ARHGAP21: variants seen among roughly 807,000 people sequenced by gnomAD.
The protein encoded by ARHGAP21 is rho GTPase-activating protein 21.
In ARHGAP21, 38 loss-of-function variants were observed where a neutral mutation model predicts 164.6. The ratio of observed to expected loss-of-function variants is 0.23; its 90% CI spans 0.18 to 0.30. The LOEUF (loss-of-function observed/expected upper bound fraction) is 0.30. Among genes scored for constraint, ARHGAP21 ranks in the 10% least tolerant of loss-of-function variants. ARHGAP21 has a pLI of 1.00. For missense variants in ARHGAP21, 1,822 were observed against 2,370.7 expected (o/e 0.77, Z 4.81); for synonymous variants, 766 against 857.9 (o/e 0.89, Z 1.87).
At chr10:24,600,424 C>T (rs2076767470) in intron 14 of ARHGAP21, among the ~76,000 whole-genome samples, 1 of 152,168 alleles carries the variant, frequency 6.6e-6, no homozygotes, top group Non-Finnish European at 1.5e-5. Context: ...AGGTATACAG[C>T]ATATATAAAT....
chr10:24,602,017 C>A lies in ARHGAP21; in HGVS notation c.2808G>T (p.Gly936=), dbSNP rs376819723. ...TGACAAGGGGTCGGAAATGAAGCCA[C>A]CCTTCCTTGGCAGCATCACTGAAGA... ...SEVFSDAAKE[G]WLHFRPLVTD... The change falls in exon 13 of 26, where the codon GGG becomes GGT. Residue 936 remains glycine (G), a synonymous_variant. Coordinates refer to ENST00000396432, the MANE Select transcript of ARHGAP21 (RefSeq NM_020824.4). 1.1e-5 allele frequency: 18 copies of A among 1,612,048 alleles called. No homozygotes were observed. Among genetic ancestry groups the A allele is most frequent in the Non-Finnish European group, 1.4e-5 (17 of 1,179,830 alleles).
intron 4 of ARHGAP21, among the ~76,000 whole-genome samples, chr10:24,666,056 G>A (rs757297016): frequency 2.0e-4 from 30 of 152,294 alleles, no homozygotes; most frequent in South Asian, 4.1e-4. Flanking sequence ...TTGAGACGGA[G>A]TCTCGCCCTG....
intron 9 of ARHGAP21, among the ~76,000 whole-genome samples, chr10:24,617,686 A>C (rs1288529218): frequency 8.4e-6 from 1 of 118,494 alleles, no homozygotes; most frequent in Non-Finnish European, 2.1e-5. Flanking sequence ...TGTTTTCTCA[A>C]GAAACATTTT....
Position 24,670,233 on chromosome 10 carries a change from A to C in ARHGAP21, c.228T>G (p.Ile76Met). Residue 76 changes from isoleucine to methionine, a missense_variant, in exon 3 of 26, where the codon ATT becomes ATG. Transcript: ENST00000396432. ...HFIVYPPESA[I>M]QFSYKDEENG... ...TTTCTCTTACCTTATATGAAAATTG[A>C]ATTGCAGACTCTGGGGGATAAACAA... 6.3e-7 allele frequency: 1 copy of C among 1,590,622 alleles called. No individual in the cohort carries two copies. The highest frequency in any genetic ancestry group is 8.6e-7 in the Non-Finnish European group (1 of 1,168,734).
At chr10:24,666,866 T>G in intron 4 of ARHGAP21, 119 bp downstream of exon 4, 1 of 661,032 alleles carries the variant, frequency 1.5e-6, no homozygotes, top group Non-Finnish European at 2.5e-6. Flanking sequence ...CTCTCACACC[T>G]AAGAACTATT....
At chr10:24,588,034 A>G (rs1328033279) in intron 25 of ARHGAP21, among the ~76,000 whole-genome samples, 1 of 152,238 alleles carries the variant, frequency 6.6e-6, no homozygotes, top group African/African-American at 2.4e-5. Flanking sequence ...TGCTGGCAAC[A>G]GAGTTAAGGA....
intron 2 of ARHGAP21, among the ~76,000 whole-genome samples, chr10:24,689,888 ATATGTATGTGTATATATACATG>A (rs1207660235): frequency 2.8e-5 from 4 of 143,206 alleles, no homozygotes; most frequent in African/African-American, 5.3e-5. Flanking sequence ...GTATATATGT[ATATGTATGTGTATATATACATG>A]TATATATGTA....
rs1846141289 is a variant in ARHGAP21, at chr10:24,723,574, G to T, written c.-393C>A. The T allele has an allele frequency of 6.8e-6, 1 of 147,050 alleles. No homozygotes were observed. The highest frequency in any genetic ancestry group is 1.9e-4 in the South Asian group (1 of 5,208). The allele number at this position is 147,050 out of a possible 1,614,324, so 9.1% of individuals were successfully genotyped here. ...ACCAGACACGCACCAGAGGAAGCGGGACGAGTGGATCCGCACGGGGCTGGC... is the reference window on the plus strand; with the variant it reads ...ACCAGACACGCACCAGAGGAAGCGGTACGAGTGGATCCGCACGGGGCTGGC... On this transcript the variant is annotated 5_prime_UTR_variant, in exon 1 of 26. Coordinates refer to ENST00000396432, the MANE Select transcript of ARHGAP21 (RefSeq NM_020824.4).
At chr10:24,611,919 A>G (rs1461529641) in intron 9 of ARHGAP21, among the ~76,000 whole-genome samples, 1 of 152,056 alleles carries the variant, frequency 6.6e-6, no homozygotes, top group Non-Finnish European at 1.5e-5. Flanking sequence ...TGTGGAGGGC[A>G]ATGCATTTCT....
rs2076243078 is a variant in ARHGAP21, at chr10:24,589,463, T to C, written c.4151-161A>G. 66 of 574,460 alleles carry C rather than the reference T, an allele frequency of 1.1e-4. No homozygotes were observed. In the East Asian group the frequency reaches 2.2e-3, roughly 19 times the overall value. The allele number at this position is 574,460 out of a possible 1,614,324, so 35.6% of individuals were successfully genotyped here. ...AGTCAGAGCTCACAAAGATGCAAGC[T>C]GCACCACAGAAAGCCACCGCCATGA... On this transcript the variant is annotated intron_variant, in intron 24 of 25. Transcript: ENST00000396432.
chr10:24,654,317 G>A (rs1838553469), intron 4 of ARHGAP21, among the ~76,000 whole-genome samples: 1 of 152,168 alleles, frequency 6.6e-6, no homozygotes, highest in African/African-American at 2.4e-5. Context: ...TATTCAATTA[G>A]GAAAAGAGGA....
intron 2 of ARHGAP21, among the ~76,000 whole-genome samples, chr10:24,693,033 G>A (rs1181653980): frequency 6.6e-6 from 1 of 151,966 alleles, no homozygotes; most frequent in Non-Finnish European, 1.5e-5. Flanking sequence ...GTTCAAATAG[G>A]CAAAACCACT....
intron 11 of ARHGAP21, among the ~76,000 whole-genome samples, chr10:24,606,117 AAAAAGT>A (rs1442136580): frequency 6.6e-6 from 1 of 151,160 alleles, no homozygotes; most frequent in Admixed American, 6.6e-5. Context: ...ACAAAAAAAT[AAAAAGT>A]AAACATAAAT....
At chr10:24,717,752 T>G (rs1256550927) in intron 2 of ARHGAP21, among the ~76,000 whole-genome samples, 1 of 152,150 alleles carries the variant, frequency 6.6e-6, no homozygotes, top group East Asian at 1.9e-4. Flanking sequence ...AAAATTGTCT[T>G]ATAGGAGGTA....
chr10:24,689,690 G>A (rs572031904), intron 2 of ARHGAP21, among the ~76,000 whole-genome samples: 4 of 152,174 alleles, frequency 2.6e-5, no homozygotes, highest in African/African-American at 9.6e-5. Context: ...GCAGTGAGCC[G>A]TGATCACGCC....
At chr10:24,590,814 C>A in intron 24 of ARHGAP21, 1 of 985,218 alleles carries the variant, frequency 1.0e-6, no homozygotes, top group Non-Finnish European at 1.2e-6. Context: ...TTAAACAGAA[C>A]TCCTGGCTCA....
At chr10:24,670,086 A>G in intron 3 of ARHGAP21, 132 bp downstream of exon 3, 1 of 534,170 alleles carries the variant, frequency 1.9e-6, no homozygotes, top group Non-Finnish European at 3.0e-6. Flanking sequence ...ATAATATAAT[A>G]AAAATTCAAA....
In ARHGAP21 at chr10:24,628,774, T is replaced by TGC. The variant is rs1565052453; in HGVS notation, c.495+1221_495+1222insGC. Among the ~76,000 whole-genome samples the TGC allele has an allele frequency of 5.2e-5, 7 of 134,402 alleles. No individual in the cohort carries two copies. In the East Asian group the frequency reaches 1.3e-3, roughly 24 times the overall value. The allele number at this position is 134,402 out of a possible 152,430, so 88.2% of individuals were successfully genotyped here. A position where few individuals can be genotyped will look rare whatever the true frequency, so the allele number is the denominator to read the frequency against. On this transcript the variant is annotated intron_variant, in intron 7 of 25. Coordinates refer to ENST00000396432, the MANE Select transcript of ARHGAP21 (RefSeq NM_020824.4). Reference sequence around the variant, plus strand: ...AAATATGTGTGTGTGTGTGTGTGCATATATATATACACACATATATACACA... The same window carrying TGC: ...AAATATGTGTGTGTGTGTGTGTGCATGCATATATATACACACATATATACACA...
chr10:24,694,779 G>C (rs918259801), intron 2 of ARHGAP21, among the ~76,000 whole-genome samples: 39 of 151,968 alleles, frequency 2.6e-4, no homozygotes, highest in African/African-American at 8.5e-4. Flanking sequence ...CCATGGCCAG[G>C]CACAGTGCAC....
Sources: gnomAD v4.1 joint callset for allele counts (sites outside exome capture counted in the v4.1 genomes callset) on GRCh38, gnomAD v4.1.1 for gene constraint, MANE v1.5 for transcripts, NCBI Gene and HGNC (gene_info 2026-07-23, HGNC 2026-07-21) for gene names.